PPM1E: variants seen among roughly 807,000 people sequenced by gnomAD.
PPM1E encodes the protein protein phosphatase, Mg2+/Mn2+ dependent 1E, also known as protein phosphatase 1E.
Under a neutral mutation model 65.9 loss-of-function variants are expected in PPM1E, and 20 were observed. The observed-to-expected ratio is 0.30, with a 90% CI of 0.21 to 0.44. PPM1E has a LOEUF of 0.44. PPM1E is among the 20% of genes least tolerant of loss of function. PPM1E has a pLI of 1.00. For missense variants in PPM1E, 713 were observed against 953.1 expected (o/e 0.75, Z 3.32); for synonymous variants, 352 against 374.9 (o/e 0.94, Z 0.70).
intron 1 of PPM1E, among the ~76,000 whole-genome samples, chr17:58,892,161 A>G (rs2051355843): frequency 1.3e-5 from 2 of 152,184 alleles, no homozygotes; most frequent in African/African-American, 2.4e-5. Context: ...CTATAAAACA[A>G]AGACTTAGCA....
In PPM1E at chr17:58,755,976, C is replaced by CT. The variant is rs1182708239; in HGVS notation, c.-21dup. The CT allele has an allele frequency of 1.2e-6, 2 of 1,613,608 alleles. No homozygotes were observed. Among genetic ancestry groups the CT allele is most frequent in the Admixed American group, 3.3e-5 (2 of 59,996 alleles). ...GGCTTCCCCCAACCCCTTTCCCGGT[C>CT]TGCCCTGGGGCATGAGCAGCGATGG... On this transcript the variant is annotated 5_prime_UTR_variant, in exon 1 of 7. Transcript: ENST00000308249.
chr17:58,844,994 T>G (rs1225894585), intron 1 of PPM1E, among the ~76,000 whole-genome samples: 1 of 152,224 alleles, frequency 6.6e-6, no homozygotes, highest in Non-Finnish European at 1.5e-5. Context: ...TGGCACTGGC[T>G]TCTCATATAT....
At chr17:58,856,282 G>A (rs1172699816) in intron 1 of PPM1E, among the ~76,000 whole-genome samples, 5 of 151,794 alleles carry the variant, frequency 3.3e-5, no homozygotes, top group African/African-American at 7.2e-5. Flanking sequence ...TATTGTTGCC[G>A]AGGCTGTAAT....
At chr17:58,961,303 G>A (rs2030023689) in intron 2 of PPM1E, among the ~76,000 whole-genome samples, 1 of 152,142 alleles carries the variant, frequency 6.6e-6, no homozygotes, top group African/African-American at 2.4e-5. Flanking sequence ...AGCATCTAAT[G>A]TAGACCCTGC....
At chr17:58,920,473 A>T (rs1382394209) in intron 1 of PPM1E, among the ~76,000 whole-genome samples, 3 of 152,136 alleles carry the variant, frequency 2.0e-5, no homozygotes, top group Non-Finnish European at 1.5e-5. Context: ...CTCTCCCTGT[A>T]GTATATGGAC....
At chr17:58,837,320 A>AACACACATAC (rs751021723) in intron 1 of PPM1E, among the ~76,000 whole-genome samples, 14,231 of 119,772 alleles carry the variant, frequency 0.12, 978 homozygotes, top group Non-Finnish European at 0.17. Context: ...GAATGAGAAT[A>AACACACATAC]ACACACACAC....
At chr17:58,841,599 C>G (rs897983737) in intron 1 of PPM1E, among the ~76,000 whole-genome samples, 4 of 150,826 alleles carry the variant, frequency 2.7e-5, no homozygotes, top group Admixed American at 6.6e-5. Flanking sequence ...AATCTTGACT[C>G]ACTGCAGCCT....
Position 58,907,907 on chromosome 17 carries a change from T to C in PPM1E, c.465-47742T>C, listed in dbSNP as rs2051577614. Among the ~76,000 whole-genome samples the C allele has an allele frequency of 3.9e-5, 6 of 152,192 alleles. No individual in the cohort carries two copies. In the South Asian group the frequency reaches 1.2e-3, roughly 31 times the overall value. The stretch of plus-strand genomic sequence containing the variant: ...AAGTGGATTTCTTGTAGACAACATA[T>C]AGTTGGGTCTTGTTTTTTTAATCCA... On this transcript the variant is annotated intron_variant, in intron 1 of 6. Coordinates refer to ENST00000308249, the MANE Select transcript of PPM1E (RefSeq NM_014906.5).
In PPM1E at chr17:58,755,860, AG is replaced by A. The variant is rs2049752060; in HGVS notation, c.-136del. 7.0e-7 allele frequency: 1 copy of A among 1,435,308 alleles called. No homozygotes were observed. Among genetic ancestry groups the A allele is most frequent in the African/African-American group, 1.5e-5 (1 of 68,212 alleles). The allele number at this position is 1,435,308 out of a possible 1,614,324, so 88.9% of individuals were successfully genotyped here. On this transcript the variant is annotated 5_prime_UTR_variant, in exon 1 of 7. Transcript: ENST00000308249. Reference sequence around the variant, plus strand: ...GCGCACGCCTGCGGGAGCCCTCTCCAGGCAACCTAGTGCTGATCGCTCGTGC... The same window carrying A: ...GCGCACGCCTGCGGGAGCCCTCTCCAGCAACCTAGTGCTGATCGCTCGTGC...
intron 6 of PPM1E, among the ~76,000 whole-genome samples, chr17:58,976,926 T>A (rs2031035180): frequency 6.6e-6 from 1 of 152,152 alleles, no homozygotes; most frequent in South Asian, 2.1e-4. Context: ...TATAGTCAGG[T>A]AGAATAGGGG....
chr17:58,868,132 C>A (rs1038942963), intron 1 of PPM1E, among the ~76,000 whole-genome samples: 4 of 152,078 alleles, frequency 2.6e-5, no homozygotes, highest in Non-Finnish European at 5.9e-5. Context: ...GAGTTTAAGA[C>A]CAGCCTGGGC....
At chr17:58,930,380 C>T (rs2051879015) in intron 1 of PPM1E, among the ~76,000 whole-genome samples, 1 of 152,020 alleles carries the variant, frequency 6.6e-6, no homozygotes, top group Non-Finnish European at 1.5e-5. Flanking sequence ...AGGAGGATCA[C>T]TTGAGCCCAG....
At chr17:58,807,644 G>T (rs1280177994) in intron 1 of PPM1E, among the ~76,000 whole-genome samples, 1 of 152,100 alleles carries the variant, frequency 6.6e-6, no homozygotes, top group Non-Finnish European at 1.5e-5. Flanking sequence ...GTCATAAACT[G>T]GGAGAAGATA....
intron 1 of PPM1E, among the ~76,000 whole-genome samples, chr17:58,931,157 C>T (rs1010543939): frequency 2.0e-5 from 3 of 150,946 alleles, no homozygotes; most frequent in Non-Finnish European, 2.9e-5. Context: ...GAGGCCAAGA[C>T]GGGCGGATCA....
intron 1 of PPM1E, among the ~76,000 whole-genome samples, chr17:58,782,951 A>G (rs1025817529): frequency 5.3e-5 from 8 of 152,186 alleles, no homozygotes; most frequent in African/African-American, 1.9e-4. Context: ...TTTATTCTGT[A>G]AGAACAACAA....
intron 1 of PPM1E, among the ~76,000 whole-genome samples, chr17:58,809,262 A>T (rs200971739): frequency 2.1e-4 from 32 of 152,162 alleles, no homozygotes; most frequent in South Asian, 8.3e-4. Flanking sequence ...ATTAAAAAAA[A>T]TTTTTTTAAT....
chr17:58,856,398 C>T (rs1431022816), intron 1 of PPM1E, among the ~76,000 whole-genome samples: 1 of 152,086 alleles, frequency 6.6e-6, no homozygotes, highest in Non-Finnish European at 1.5e-5. Context: ...GCCACCATGC[C>T]TGGCTAATTT....
intron 1 of PPM1E, among the ~76,000 whole-genome samples, chr17:58,847,307 G>A (rs2050781559): frequency 6.6e-6 from 1 of 152,082 alleles, no homozygotes; most frequent in African/African-American, 2.4e-5. Context: ...GGCTTTTGTT[G>A]CCATTGCTTT....
rs1022994688 is a variant in PPM1E, at chr17:58,853,715, C to G, written c.464+97254C>G. On this transcript the variant is annotated intron_variant, in intron 1 of 6. Coordinates refer to ENST00000308249, the MANE Select transcript of PPM1E (RefSeq NM_014906.5). ...TGATGGCACACGTCTGTAATCCCAG[C>G]TATTCCTCAGGAGACTGAGGCATGA... 2.6e-5 allele frequency among the ~76,000 whole-genome samples: 4 copies of G among 152,070 alleles called. No homozygotes were observed. In the South Asian group the frequency reaches 8.3e-4, roughly 31 times the overall value.
Sources: allele counts gnomAD v4.1 joint callset (sites outside exome capture counted in the v4.1 genomes callset), GRCh38; gene constraint gnomAD v4.1.1; transcripts MANE v1.5; gene names NCBI Gene and HGNC (gene_info 2026-07-23, HGNC 2026-07-21).